SPAG16: variants seen among roughly 807,000 people sequenced by gnomAD.
The protein encoded by SPAG16 is sperm-associated antigen 16 protein.
A neutral mutation model predicts 80.4 loss-of-function variants in SPAG16; 86 were observed. The ratio of observed to expected loss-of-function variants is 1.07; its 90% confidence interval spans 0.90 to 1.28. SPAG16 has a LOEUF of 1.28. Ranked by LOEUF, SPAG16 falls within the 50% of genes most tolerant of loss-of-function variation. SPAG16 has a pLI of 0.00. For missense variants in SPAG16, 870 were observed against 765.3 expected (o/e 1.14, Z -1.61); for synonymous variants, 294 against 265.9 (o/e 1.11, Z -1.03).
intron 14 of SPAG16, among the ~76,000 whole-genome samples, chr2:214,113,281 T>C (rs2053767975): frequency 2.0e-5 from 3 of 152,200 alleles, no homozygotes; most frequent in Admixed American, 2.0e-4. Context: ...TTGATGAATC[T>C]GACAATTATG....
chr2:214,217,965 G>A (rs1285224909), intron 15 of SPAG16, among the ~76,000 whole-genome samples: 1 of 151,990 alleles, frequency 6.6e-6, no homozygotes, highest in Non-Finnish European at 1.5e-5. Flanking sequence ...TGCTTATTTG[G>A]ATTATATCTT....
chr2:214,073,232 C>CTTTTTTTTTTTTT (rs67988930), intron 13 of SPAG16, among the ~76,000 whole-genome samples: 1 of 141,072 alleles, frequency 7.1e-6, no homozygotes, highest in Non-Finnish European at 1.6e-5. Context: ...GAAATTTTTT[C>CTTTTTTTTTTTTT]TTTTTTTTTT....
At chr2:213,584,326 C>T (rs186884411) in intron 10 of SPAG16, among the ~76,000 whole-genome samples, 3 of 152,112 alleles carry the variant, frequency 2.0e-5, no homozygotes, top group Admixed American at 1.3e-4. Context: ...GGGTTACTGA[C>T]ATTGGAGCCT....
chr2:214,073,372 G>C lies in SPAG16; in HGVS notation c.1528-34824G>C, dbSNP rs2050903761. Among the ~76,000 whole-genome samples the C allele has an allele frequency of 2.0e-5, 3 of 151,712 alleles. No individual in the cohort carries two copies. The South Asian group carries it at 6.3e-4, about 32-fold the overall frequency. Reference sequence around the variant, plus strand: ...CCTGCCTCAGCCTCCTGAGTAGCTGGGATTACAGGCGCCCACCACCATGCC... The same window carrying C: ...CCTGCCTCAGCCTCCTGAGTAGCTGCGATTACAGGCGCCCACCACCATGCC... On this transcript the variant is annotated intron_variant, in intron 13 of 15. Coordinates refer to ENST00000331683, the MANE Select transcript of SPAG16 (RefSeq NM_024532.5).
chr2:213,364,226 A>G (rs1399238244), intron 8 of SPAG16, 81 bp downstream of exon 8: 10 of 798,452 alleles, frequency 1.3e-5, no homozygotes, highest in Non-Finnish European at 1.8e-5. Flanking sequence ...TATTCTAGAG[A>G]TATTTAAAGG....
chr2:213,357,188 T>C (rs976355773), intron 7 of SPAG16, among the ~76,000 whole-genome samples: 2 of 152,144 alleles, frequency 1.3e-5, no homozygotes, highest in Admixed American at 1.3e-4. Flanking sequence ...ATATGGTCAA[T>C]TTTAGAATAA....
chr2:213,300,953 A>G (rs1183309519), intron 3 of SPAG16, among the ~76,000 whole-genome samples: 36 of 152,250 alleles, frequency 2.4e-4, no homozygotes, highest in Non-Finnish European at 1.5e-5. Context: ...ATATACCAAA[A>G]TATAGTCTAG....
intron 10 of SPAG16, among the ~76,000 whole-genome samples, chr2:213,592,869 C>T (rs996410722): frequency 6.6e-6 from 1 of 152,146 alleles, no homozygotes; most frequent in African/African-American, 2.4e-5. Context: ...TGGCAGAAAC[C>T]GTTTTAACAC....
At chr2:213,671,727 A>G (rs771008989) in intron 10 of SPAG16, among the ~76,000 whole-genome samples, 4 of 152,134 alleles carry the variant, frequency 2.6e-5, no homozygotes, top group Non-Finnish European at 5.9e-5. Context: ...TGGTATAATC[A>G]GTTATGGCCA....
chr2:213,846,418 A>C (rs2074629881), intron 10 of SPAG16, among the ~76,000 whole-genome samples: 1 of 152,108 alleles, frequency 6.6e-6, no homozygotes, highest in African/African-American at 2.4e-5. Flanking sequence ...ATTTCATTGT[A>C]ATGGAAGTAG....
chr2:214,012,276 ATATATATATATATTTTT>A (rs1434743647), intron 12 of SPAG16, among the ~76,000 whole-genome samples: 7 of 46,340 alleles, frequency 1.5e-4, no homozygotes, highest in African/African-American at 6.2e-4. Flanking sequence ...ATATATATAT[ATATATATATATATTTTT>A]TTTTTTTTTT....
At chr2:213,956,527 A>G (rs1187711369) in intron 12 of SPAG16, among the ~76,000 whole-genome samples, 1 of 146,594 alleles carries the variant, frequency 6.8e-6, no homozygotes, top group Non-Finnish European at 1.5e-5. Context: ...GGCTCACTGC[A>G]ACCGCCGCCT....
chr2:214,228,068 C>T (rs1437815553), intron 15 of SPAG16, among the ~76,000 whole-genome samples: 2 of 151,912 alleles, frequency 1.3e-5, no homozygotes, highest in Admixed American at 6.6e-5. Flanking sequence ...TAATCTTTCA[C>T]CAAGTCTGTC....
intron 11 of SPAG16, among the ~76,000 whole-genome samples, chr2:213,865,902 C>G (rs2075662332): frequency 6.8e-6 from 1 of 147,306 alleles, no homozygotes; most frequent in South Asian, 2.1e-4. Flanking sequence ...GGAGATAGTA[C>G]TATATACACA....
chr2:213,489,917 G>A (rs1401447013), intron 9 of SPAG16, 46 bp from the exon 10 acceptor site: 11 of 1,499,692 alleles, frequency 7.3e-6, no homozygotes, highest in Non-Finnish European at 9.9e-6. Context: ...CCTGTGCAGT[G>A]ATTTTGATAT....
intron 14 of SPAG16, among the ~76,000 whole-genome samples, chr2:214,109,078 G>C (rs1006239841): frequency 6.6e-6 from 1 of 152,114 alleles, no homozygotes; most frequent in Non-Finnish European, 1.5e-5. Flanking sequence ...TTGCTCTCTT[G>C]CTCTTTTTCC....
At chr2:213,308,795 C>T (rs949696221) in intron 3 of SPAG16, among the ~76,000 whole-genome samples, 2 of 152,100 alleles carry the variant, frequency 1.3e-5, no homozygotes, top group East Asian at 1.9e-4. Flanking sequence ...GTAATGAAGA[C>T]ATTTAATCTA....
chr2:213,447,934 T>C (rs745826653), intron 9 of SPAG16, among the ~76,000 whole-genome samples: 10 of 152,348 alleles, frequency 6.6e-5, no homozygotes, highest in South Asian at 2.1e-4. Flanking sequence ...TAAAACAAAT[T>C]CTCAAAAGAT....
At chr2:214,341,315 G>GA (rs1402493577) in intron 15 of SPAG16, among the ~76,000 whole-genome samples, 1 of 151,948 alleles carries the variant, frequency 6.6e-6, no homozygotes, top group Non-Finnish European at 1.5e-5. Flanking sequence ...GTTCTAGAAA[G>GA]AAAAAATTAA....
Sources: gnomAD v4.1 joint callset for allele counts (sites outside exome capture counted in the v4.1 genomes callset) on GRCh38, gnomAD v4.1.1 for gene constraint, MANE v1.5 for transcripts, NCBI Gene and HGNC (gene_info 2026-07-23, HGNC 2026-07-21) for gene names.